Variants in SEC24D observed in about 807,000 individuals in gnomAD.
SEC24D encodes the protein SEC24 homolog D, COPII component.
Under a neutral mutation model 116.9 loss-of-function variants are expected in SEC24D, and 69 were observed. The ratio of observed to expected loss-of-function variants is 0.59; its 90% CI spans 0.49 to 0.72. The LOEUF (loss-of-function observed/expected upper bound fraction) is 0.72, where lower values mean the gene tolerates loss of function less well. Ranked by LOEUF, SEC24D falls within the 30% of genes least tolerant of loss-of-function variation. The probability of loss-of-function intolerance (pLI) is 0.00; values close to 1 mark genes in which losing one functional copy is unlikely to be tolerated. For missense variants in SEC24D, 1,131 were observed against 1,264.1 expected, an observed-to-expected ratio of 0.89 and a Z score of 1.60; for synonymous variants, 405 against 442.8, an observed-to-expected ratio of 0.91 and a Z score of 1.07.
intron 8 of SEC24D, among the ~76,000 whole-genome samples, chr4:118,781,032 G>A (rs1055625022): frequency 2.0e-5 from 3 of 150,498 alleles, no homozygotes; most frequent in African/African-American, 7.4e-5. Flanking sequence ...CACACTGATG[G>A]GTCTTGACTC....
intron 8 of SEC24D, among the ~76,000 whole-genome samples, chr4:118,777,982 G>C (rs955966440): frequency 4.9e-4 from 75 of 152,242 alleles, no homozygotes; most frequent in African/African-American, 1.8e-3. Flanking sequence ...ATTTGTTTAA[G>C]TTCTTTGTAG....
intron 15 of SEC24D, 33 bp downstream of exon 15, chr4:118,743,955 G>A (rs1225840390): frequency 3.2e-6 from 5 of 1,561,072 alleles, no homozygotes; most frequent in African/African-American, 1.4e-5. Flanking sequence ...AATGGGAGTA[G>A]AAGACCAAGG....
intron 3 of SEC24D, among the ~76,000 whole-genome samples, chr4:118,821,801 G>T (rs1331552408): frequency 6.6e-6 from 1 of 152,192 alleles, no homozygotes; most frequent in Non-Finnish European, 1.5e-5. Context: ...CTTGCATTGC[G>T]CTACATTCAC....
intron 3 of SEC24D, among the ~76,000 whole-genome samples, chr4:118,818,100 T>C (rs1038408619): frequency 1.3e-5 from 2 of 152,178 alleles, no homozygotes; most frequent in African/African-American, 4.8e-5. Flanking sequence ...CTTGAACTTA[T>C]TAGACGTTTA....
At chr4:118,755,741 T>TA (rs1727063574) in intron 11 of SEC24D, among the ~76,000 whole-genome samples, 1 of 151,884 alleles carries the variant, frequency 6.6e-6, no homozygotes, top group Non-Finnish European at 1.5e-5. Context: ...AATCTTACCT[T>TA]AAAAAAAATA....
intron 9 of SEC24D, chr4:118,766,884 G>A (rs1392353762): frequency 6.6e-6 from 1 of 152,240 alleles, no homozygotes; most frequent in Admixed American, 6.5e-5. Context: ...AAGACTGAAT[G>A]ATAGCCATGA....
intron 10 of SEC24D, among the ~76,000 whole-genome samples, chr4:118,761,269 T>G (rs1431209986): frequency 6.6e-6 from 1 of 152,188 alleles, no homozygotes; most frequent in African/African-American, 2.4e-5. Context: ...AACTGTTGAC[T>G]GAGTGAATGA....
chr4:118,806,509 G>A (rs1025987863), intron 6 of SEC24D, among the ~76,000 whole-genome samples: 11 of 151,502 alleles, frequency 7.3e-5, no homozygotes, highest in Admixed American at 7.2e-4. Context: ...TCATCTTTTT[G>A]TAGAGACAGG....
At chr4:118,799,354 C>T (rs1052905507) in intron 7 of SEC24D, among the ~76,000 whole-genome samples, 12 of 151,944 alleles carry the variant, frequency 7.9e-5, no homozygotes, top group Admixed American at 2.6e-4. Context: ...AACGGGTGTG[C>T]GGGTAGAGAT....
intron 6 of SEC24D, among the ~76,000 whole-genome samples, chr4:118,810,413 T>G (rs1729871158): frequency 1.3e-5 from 2 of 151,998 alleles, no homozygotes; most frequent in Non-Finnish European, 2.9e-5. Flanking sequence ...AAATATGAGA[T>G]GTGCAAGAAA....
rs150840996 is a variant in SEC24D at position 118,788,697 on chromosome 4, T to C, written c.1041+8986A>G. On this transcript the variant is annotated intron_variant, in intron 8 of 22. Coordinates refer to ENST00000280551, the MANE Select transcript of SEC24D (RefSeq NM_014822.4). ...GGGTTATAAATGAAGTTGGTAGTCA[T>C]TTAAAAGACATGAAATATCCAAAGT... Among the ~76,000 whole-genome samples the C allele has an allele frequency of 9.8e-5, 15 of 152,352 alleles. No individual in the cohort carries two copies. In the East Asian group the frequency reaches 1.3e-3, roughly 14 times the overall value.
intron 3 of SEC24D, among the ~76,000 whole-genome samples, chr4:118,820,682 T>C (rs533424528): frequency 9.9e-5 from 15 of 151,528 alleles, no homozygotes; most frequent in African/African-American, 2.7e-4. Flanking sequence ...TCGCTATAAA[T>C]ATAATGTTAA....
At chr4:118,762,423 A>G (rs1047742103) in intron 10 of SEC24D, among the ~76,000 whole-genome samples, 3 of 152,168 alleles carry the variant, frequency 2.0e-5, no homozygotes, top group Non-Finnish European at 4.4e-5. Context: ...TACGCACCAC[A>G]TGGGTTCACC....
rs368390247 is a variant in SEC24D, at chr4:118,764,829, T to G, written c.1269A>C (p.Glu423Asp). The G allele has an allele frequency of 2.9e-5, 46 of 1,603,758 alleles. No individual in the cohort carries two copies. The highest frequency in any genetic ancestry group is 1.1e-4 in the African/African-American group (8 of 74,668). Residue 423 changes from glutamate to aspartate, a missense_variant, in exon 10 of 23, where the codon GAA (glutamate) becomes GAC (aspartate). Glu to Asp is a conservative substitution (Grantham distance 45, BLOSUM62 2). Coordinates refer to ENST00000280551, the MANE Select transcript of SEC24D (RefSeq NM_014822.4). ...TGCAATAATCCAAAGTGGCAACATATTCATAAGATCCTAGAGATAACTCTG... is the reference window on the plus strand; with the variant it reads ...TGCAATAATCCAAAGTGGCAACATAGTCATAAGATCCTAGAGATAACTCTG... ...EKPELSLGSY[E>D]YVATLDYCRK...
chr4:118,789,746 G>C (rs1020646554), intron 8 of SEC24D, among the ~76,000 whole-genome samples: 1 of 152,176 alleles, frequency 6.6e-6, no homozygotes, highest in African/African-American at 2.4e-5. Context: ...CACCATGCCA[G>C]GCTAATTTTT....
chr4:118,820,421 C>T (rs917530995), intron 3 of SEC24D, among the ~76,000 whole-genome samples: 8 of 152,068 alleles, frequency 5.3e-5, no homozygotes, highest in Non-Finnish European at 2.9e-5. Flanking sequence ...CCTCGTGATC[C>T]GCCCGCCTTG....
chr4:118,812,956 TC>T (rs1338306304), intron 6 of SEC24D, among the ~76,000 whole-genome samples: 1 of 151,948 alleles, frequency 6.6e-6, no homozygotes, highest in Non-Finnish European at 1.5e-5. Context: ...ATCTGTATCC[TC>T]CCCTAGAGAT....
chr4:118,821,709 A>C (rs1339020660), intron 3 of SEC24D, among the ~76,000 whole-genome samples: 1 of 151,866 alleles, frequency 6.6e-6, no homozygotes, highest in East Asian at 1.9e-4. Flanking sequence ...CACAAAGAAG[A>C]GTCATATGCC....
At chr4:118,825,565 T>A (rs1264557508) in intron 2 of SEC24D, 1 of 456,272 alleles carries the variant, frequency 2.2e-6, no homozygotes, top group Non-Finnish European at 4.4e-6. Flanking sequence ...TGGTTACTTA[T>A]TAGTTGTATG....
Sources: gnomAD v4.1 joint callset for allele counts (sites outside exome capture counted in the v4.1 genomes callset) on GRCh38, gnomAD v4.1.1 for gene constraint, MANE v1.5 for transcripts, NCBI Gene and HGNC (gene_info 2026-07-23, HGNC 2026-07-21) for gene names.